Variants in RNF115 observed in about 807,000 individuals in gnomAD.
RNF115 encodes the protein ring finger protein 115.
In RNF115, 31 loss-of-function variants were observed where a neutral mutation model predicts 39.2. The ratio of observed to expected loss-of-function variants is 0.79; its 90% confidence interval spans 0.59 to 1.07. RNF115 has a LOEUF of 1.07. Among genes scored for constraint, RNF115 ranks in the 50% least tolerant of loss-of-function variants. The pLI, the probability that RNF115 is intolerant of heterozygous loss-of-function variation, is 0.00. For missense variants in RNF115, 384 were observed against 381.7 expected (o/e 1.01, Z -0.05); for synonymous variants, 124 against 131.0 (o/e 0.95, Z 0.37).
Position 145,746,674 on chromosome 1 carries a change from T to G in RNF115, c.*192A>C. 1 of 561,330 alleles carries G rather than the reference T, an allele frequency of 1.8e-6. No individual in the cohort carries two copies. The highest frequency in any genetic ancestry group is 3.1e-6 in the Non-Finnish European group (1 of 325,712). 34.8% of individuals were successfully genotyped at this position (561,330 alleles called of 1,614,324 possible). A position where few individuals can be genotyped will look rare whatever the true frequency, so the allele number is the denominator to read the frequency against. On this transcript the variant is annotated 3_prime_UTR_variant, in exon 9 of 9. Coordinates refer to ENST00000582693, the MANE Select transcript of RNF115 (RefSeq NM_014455.4). ...ACTCTGAATTCAGGGATAAGAGGCA[T>G]TTGGTTGTAGATACAATTCCATCTG...
intron 7 of RNF115, among the ~76,000 whole-genome samples, chr1:145,748,716 C>G (rs1456483234): frequency 6.6e-6 from 1 of 151,972 alleles, no homozygotes; most frequent in Non-Finnish European, 1.5e-5. Flanking sequence ...AAAACCCTGT[C>G]TCTACTAAAA....
At chr1:145,790,660 G>T (rs1030596393) in intron 1 of RNF115, among the ~76,000 whole-genome samples, 1 of 152,042 alleles carries the variant, frequency 6.6e-6, no homozygotes, top group East Asian at 1.9e-4. Context: ...TCGAACTCCT[G>T]ACCTCAGGTG....
At chr1:145,762,880 G>A (rs1490267277) in intron 4 of RNF115, among the ~76,000 whole-genome samples, 2 of 152,150 alleles carry the variant, frequency 1.3e-5, no homozygotes, top group East Asian at 1.9e-4. Flanking sequence ...ATAGCTGGAG[G>A]TCATTAGCCT....
At position 145,747,890 on chromosome 1, in the gene RNF115, A is replaced by G. The variant is rs1657932707; in HGVS notation, c.783+105T>C. The G allele has an allele frequency of 1.1e-5, 9 of 818,752 alleles. 1 individual carries two copies. Among genetic ancestry groups the G allele is most frequent in the Non-Finnish European group, 1.9e-5 (9 of 480,222 alleles). The allele number at this position is 818,752 out of a possible 1,614,324, so 50.7% of individuals were successfully genotyped here. ...ACAAATAACAGTATCAGAGTAAGCC[A>G]GGGATTTATGGGATAAAATCTGATC... On this transcript the variant is annotated intron_variant, in intron 8 of 8. Transcript: ENST00000582693.
intron 2 of RNF115, chr1:145,788,634 C>T (rs1208973770): frequency 5.3e-6 from 3 of 566,926 alleles, no homozygotes; most frequent in Non-Finnish European, 1.0e-5. Flanking sequence ...GACATGCGTA[C>T]AGATGTACAT....
intron 4 of RNF115, among the ~76,000 whole-genome samples, chr1:145,766,436 TC>T (rs1647276927): frequency 6.6e-6 from 1 of 152,176 alleles, no homozygotes; most frequent in Non-Finnish European, 1.5e-5. Context: ...CTCAATCTTT[TC>T]CTCACCTTTC....
intron 1 of RNF115, among the ~76,000 whole-genome samples, chr1:145,791,463 G>A (rs1484446794): frequency 4.0e-5 from 6 of 148,992 alleles, no homozygotes; most frequent in African/African-American, 1.5e-4. Context: ...AGTGAGCCAA[G>A]ATCACGCCAT....
In RNF115 at chr1:145,743,361, T is replaced by G. The variant is rs1240996635; in HGVS notation, c.*3505A>C. 6.6e-6 allele frequency: 1 copy of G among 152,164 alleles called. No homozygotes were observed. The highest frequency in any genetic ancestry group is 1.5e-5 in the Non-Finnish European group (1 of 68,056). The allele number at this position is 152,164 out of a possible 1,614,324, so 9.4% of individuals were successfully genotyped here. ...TCTGAACTGGAACAGAAACATCAGC[T>G]CTTCTAGGGTATCCAAGCTGGCCTT... On this transcript the variant is annotated 3_prime_UTR_variant, in exon 9 of 9. Transcript: ENST00000582693.
At chr1:145,782,331 T>C (rs889329866) in intron 3 of RNF115, among the ~76,000 whole-genome samples, 2 of 152,172 alleles carry the variant, frequency 1.3e-5, no homozygotes, top group Admixed American at 1.3e-4. Flanking sequence ...ACATTCAGTA[T>C]ATACTTTCAG....
At chr1:145,823,480 G>A (rs1207127383) in intron 1 of RNF115, among the ~76,000 whole-genome samples, 1 of 139,430 alleles carries the variant, frequency 7.2e-6, no homozygotes, top group Non-Finnish European at 1.6e-5. Context: ...AAAATTGAGG[G>A]GAGAGTTATC....
chr1:145,816,763 C>G (rs1339211838), intron 1 of RNF115, among the ~76,000 whole-genome samples: 6 of 146,456 alleles, frequency 4.1e-5, no homozygotes, highest in Non-Finnish European at 3.1e-5. Flanking sequence ...TTTTTCTCTC[C>G]TCTCTCCCCT....
At chr1:145,813,200 G>C (rs1649814413) in intron 1 of RNF115, among the ~76,000 whole-genome samples, 1 of 151,442 alleles carries the variant, frequency 6.6e-6, no homozygotes, top group Non-Finnish European at 1.5e-5. Context: ...TTTTACAATG[G>C]GATATACTTA....
chr1:145,753,113 T>C, intron 4 of RNF115, 64 bp from the exon 5 acceptor site: 1 of 1,094,648 alleles, frequency 9.1e-7, no homozygotes, highest in Non-Finnish European at 1.4e-6. Flanking sequence ...CAGATATCCA[T>C]GGCTGCCTAA....
intron 5 of RNF115, among the ~76,000 whole-genome samples, chr1:145,751,881 T>C (rs1434194204): frequency 3.9e-5 from 6 of 152,148 alleles, no homozygotes; most frequent in African/African-American, 1.4e-4. Flanking sequence ...TCATGACTGG[T>C]CAAAATCTAC....
intron 4 of RNF115, among the ~76,000 whole-genome samples, chr1:145,770,932 C>T (rs1553715647): frequency 6.6e-6 from 1 of 152,118 alleles, no homozygotes; most frequent in African/African-American, 2.4e-5. Flanking sequence ...AGTCACAAGA[C>T]TTCATATTTA....
intron 3 of RNF115, among the ~76,000 whole-genome samples, chr1:145,783,133 G>A (rs192611151): frequency 1.5e-3 from 231 of 152,310 alleles, no homozygotes; most frequent in African/African-American, 5.1e-3. Flanking sequence ...AAAGTGTTGC[G>A]ATTACAGGCG....
At chr1:145,808,372 A>G (rs1649548270) in intron 1 of RNF115, among the ~76,000 whole-genome samples, 2 of 152,068 alleles carry the variant, frequency 1.3e-5, no homozygotes, top group Admixed American at 1.3e-4. Flanking sequence ...CTTTTTAATA[A>G]TGGCCATTCT....
At chr1:145,789,380 C>A (rs1399231051) in intron 1 of RNF115, among the ~76,000 whole-genome samples, 4 of 150,986 alleles carry the variant, frequency 2.6e-5, no homozygotes, top group Non-Finnish European at 4.4e-5. Context: ...GAATTACAGG[C>A]ATAAGCCACT....
At chr1:145,795,597 C>T (rs1404825649) in intron 1 of RNF115, among the ~76,000 whole-genome samples, 7 of 152,058 alleles carry the variant, frequency 4.6e-5, no homozygotes, top group Admixed American at 2.0e-4. Context: ...AAGTCCCCAC[C>T]CAATCCAGAA....
Sources: allele counts gnomAD v4.1 joint callset (sites outside exome capture counted in the v4.1 genomes callset), GRCh38; gene constraint gnomAD v4.1.1; transcripts MANE v1.5; gene names NCBI Gene and HGNC (gene_info 2026-07-23, HGNC 2026-07-21).